PRTG: variants seen among roughly 807,000 people sequenced by gnomAD.
The protein encoded by PRTG is immunoglobulin superfamily, DCC subclass, member 5.
A neutral mutation model predicts 122.5 loss-of-function variants in PRTG; 67 were observed. The observed-to-expected ratio is 0.55, with a 90% CI of 0.45 to 0.67. The LOEUF is 0.67. Among genes scored for constraint, PRTG ranks in the 30% least tolerant of loss-of-function variants. PRTG has a pLI of 0.00. For synonymous variants in PRTG, 554 were observed against 501.1 expected, an observed-to-expected ratio of 1.11 and a Z score of -1.41; for missense variants, 1,435 against 1,415.4, an observed-to-expected ratio of 1.01 and a Z score of -0.22.
chr15:55,699,987 A>G (rs1165214056), intron 2 of PRTG, among the ~76,000 whole-genome samples: 1 of 152,234 alleles, frequency 6.6e-6, no homozygotes, highest in African/African-American at 2.4e-5. Context: ...AGCCAAAACA[A>G]TTTTGAAAAA....
intron 2 of PRTG, among the ~76,000 whole-genome samples, chr15:55,732,048 G>A (rs2031251819): frequency 6.6e-6 from 1 of 152,222 alleles, no homozygotes; most frequent in Non-Finnish European, 1.5e-5. Flanking sequence ...ACAATGGGAA[G>A]TATTTGTGTA....
intron 2 of PRTG, among the ~76,000 whole-genome samples, chr15:55,708,624 A>G (rs976734113): frequency 2.0e-5 from 3 of 152,026 alleles, no homozygotes; most frequent in African/African-American, 7.2e-5. Flanking sequence ...AAATAAAGTG[A>G]AACCAAACTG....
chr15:55,657,108 T>C (rs2059384661), intron 11 of PRTG, among the ~76,000 whole-genome samples: 2 of 152,176 alleles, frequency 1.3e-5, no homozygotes, highest in African/African-American at 4.8e-5. Flanking sequence ...AAGTACACAA[T>C]TGAGCCCTCT....
intron 11 of PRTG, chr15:55,656,334 G>A (rs1257454639): frequency 8.8e-6 from 4 of 454,564 alleles, no homozygotes; most frequent in African/African-American, 2.0e-5. Flanking sequence ...CTTATCTGAT[G>A]GTTTCATTAT....
At chr15:55,676,525 G>C (rs2059503969) in intron 8 of PRTG, among the ~76,000 whole-genome samples, 1 of 152,160 alleles carries the variant, frequency 6.6e-6, no homozygotes, top group South Asian at 2.1e-4. Flanking sequence ...GCAAATTCCA[G>C]TATTAAGTTT....
At chr15:55,623,708 A>G (rs1048640490) in intron 18 of PRTG, among the ~76,000 whole-genome samples, 1 of 152,244 alleles carries the variant, frequency 6.6e-6, no homozygotes, top group African/African-American at 2.4e-5. Flanking sequence ...TACAGTATCT[A>G]AAGTTGTAAT....
chr15:55,729,583 CG>C (rs2031157809), intron 2 of PRTG, among the ~76,000 whole-genome samples: 1 of 149,558 alleles, frequency 6.7e-6, no homozygotes, highest in Non-Finnish European at 1.5e-5. Context: ...CAAGATTCTG[CG>C]GGGAAAAAAA....
At chr15:55,685,064 A>G (rs1364448666) in intron 2 of PRTG, among the ~76,000 whole-genome samples, 1 of 152,158 alleles carries the variant, frequency 6.6e-6, no homozygotes, top group African/African-American at 2.4e-5. Flanking sequence ...CAAGATACAA[A>G]GAAAGGTCCA....
At chr15:55,666,159 G>A (rs779851335) in intron 11 of PRTG, among the ~76,000 whole-genome samples, 3 of 152,160 alleles carry the variant, frequency 2.0e-5, no homozygotes, top group Admixed American at 1.3e-4. Flanking sequence ...ATCACACTCT[G>A]GCAGGATTCA....
chr15:55,622,781 C>T (rs1450185514), intron 18 of PRTG, among the ~76,000 whole-genome samples: 3 of 152,018 alleles, frequency 2.0e-5, no homozygotes, highest in Non-Finnish European at 2.9e-5. Context: ...GGTGATACAC[C>T]CACCTTGGCC....
rs1172421486 is a variant in PRTG, at chr15:55,617,996, A to T, written c.*2016T>A. The T allele has an allele frequency of 2.0e-5, 3 of 152,320 alleles. No individual in the cohort carries two copies. The East Asian group carries it at 5.8e-4, about 29-fold the overall frequency. The allele number at this position is 152,320 out of a possible 1,614,324, so 9.4% of individuals were successfully genotyped here. Reference sequence around the variant, plus strand: ...AAACGTTCCCTGAGTACAGGAAAAAAAATAACACTAGAATAACTTTAAAAG... The same window carrying T: ...AAACGTTCCCTGAGTACAGGAAAAATAATAACACTAGAATAACTTTAAAAG... On this transcript the variant is annotated 3_prime_UTR_variant, in exon 20 of 20. Coordinates refer to ENST00000389286, the MANE Select transcript of PRTG (RefSeq NM_173814.6).
At chr15:55,622,936 C>T (rs1042844135) in intron 18 of PRTG, among the ~76,000 whole-genome samples, 11 of 151,962 alleles carry the variant, frequency 7.2e-5, no homozygotes, top group Non-Finnish European at 1.6e-4. Flanking sequence ...AAAAGTAAAA[C>T]CTAAATTAGG....
intron 2 of PRTG, among the ~76,000 whole-genome samples, chr15:55,693,167 G>A (rs1423065384): frequency 2.0e-5 from 3 of 152,058 alleles, no homozygotes; most frequent in Admixed American, 1.3e-4. Flanking sequence ...TTTTTTAAAA[G>A]ACTAAGTGGC....
chr15:55,615,686 A>G lies in PRTG; in HGVS notation c.*4326T>C, dbSNP rs2059138886. The G allele has an allele frequency of 6.6e-6, 1 of 152,050 alleles. No individual in the cohort carries two copies. The highest frequency in any genetic ancestry group is 2.1e-4 in the South Asian group (1 of 4,832). The allele number at this position is 152,050 out of a possible 1,614,324, so 9.4% of individuals were successfully genotyped here. On this transcript the variant is annotated 3_prime_UTR_variant, in exon 20 of 20. Coordinates refer to ENST00000389286, the MANE Select transcript of PRTG (RefSeq NM_173814.6). ...GTCAGGAAGAAAGTCTGCAAAACAC[A>G]TGTGCAGTCTTAGTGACTGTTTCAA... is the stretch of plus-strand genomic sequence containing the variant.
Position 55,725,290 on chromosome 15 carries a change from C to T in PRTG, c.397+15092G>A, listed in dbSNP as rs527808511. Among the ~76,000 whole-genome samples, 610 of 151,882 alleles carry T rather than the reference C, an allele frequency of 4.0e-3. 3 individuals carry two copies. Among genetic ancestry groups the T allele is most frequent in the African/African-American group, 0.014 (586 of 41,400 alleles). ...CACACAAAATATAAACTAAAAAATA[C>T]GCACAAAAGGAAATGAGAAGAAATT... On this transcript the variant is annotated intron_variant, in intron 2 of 19. Transcript: ENST00000389286.
chr15:55,641,220 C>T lies in PRTG; in HGVS notation c.2042-12G>A. 1 of 1,577,540 alleles carries T rather than the reference C, an allele frequency of 6.3e-7. No individual in the cohort carries two copies. Among genetic ancestry groups the T allele is most frequent in the Non-Finnish European group, 8.7e-7 (1 of 1,147,200 alleles). ...TTTTCTTCTGGGGTCTATAAAGAAA[C>T]CAATAGGAAATAATTAGGACCAGGT... On this transcript the variant is annotated splice_polypyrimidine_tract_variant and intron_variant, in intron 11 of 19. Coordinates refer to ENST00000389286, the MANE Select transcript of PRTG (RefSeq NM_173814.6).
rs2141712574 is a variant in PRTG at position 55,624,413 on chromosome 15, G to C, written c.3022C>G (p.Leu1008Val). Residue 1008 changes from leucine to valine, a missense_variant, in exon 18 of 20, where the codon CTG becomes GTG. By Grantham distance (32) the Leu-to-Val change is conservative. Coordinates refer to ENST00000389286, the MANE Select transcript of PRTG (RefSeq NM_173814.6). ...LASGNEVGKN[L>V]EGAVGNEESL... Reference sequence around the variant, plus strand: ...TCTTCATTTCCTACAGCTCCTTCCAGGTTCTTTCCTACCTCATTTCCACTA... The same window carrying C: ...TCTTCATTTCCTACAGCTCCTTCCACGTTCTTTCCTACCTCATTTCCACTA... 1.2e-6 allele frequency: 2 copies of C among 1,613,966 alleles called. No homozygotes were observed. The highest frequency in any genetic ancestry group is 3.3e-5 in the Admixed American group (2 of 59,990).
At chr15:55,650,773 C>T (rs543453004) in intron 11 of PRTG, among the ~76,000 whole-genome samples, 3 of 152,030 alleles carry the variant, frequency 2.0e-5, no homozygotes, top group South Asian at 2.1e-4. Flanking sequence ...AAGACCAACC[C>T]GGGCAACACA....
chr15:55,684,024 C>G (rs966113979), intron 2 of PRTG, 93 bp from the exon 3 acceptor site: 1 of 1,107,410 alleles, frequency 9.0e-7, no homozygotes, highest in Non-Finnish European at 1.3e-6. Context: ...GGACTTGAAC[C>G]CTTGCTTGGA....
Sources: gnomAD v4.1 joint callset for allele counts (sites outside exome capture counted in the v4.1 genomes callset) on GRCh38, gnomAD v4.1.1 for gene constraint, MANE v1.5 for transcripts, NCBI Gene and HGNC (gene_info 2026-07-23, HGNC 2026-07-21) for gene names.